Variants in SCML4 observed in about 807,000 individuals in gnomAD.
SCML4 encodes the protein sex comb on midleg-like protein 4.
A neutral mutation model predicts 41.1 loss-of-function variants in SCML4; 34 were observed. The ratio of observed to expected loss-of-function variants is 0.83; its 90% CI spans 0.63 to 1.10. The LOEUF is 1.10. Ranked by LOEUF, SCML4 falls within the 50% of genes least tolerant of loss-of-function variation. SCML4 has a pLI of 0.00. For synonymous variants in SCML4, 214 were observed against 220.9 expected (o/e 0.97, Z 0.28); for missense variants, 522 against 534.1 (o/e 0.98, Z 0.22).
At chr6:107,830,306 C>A in the SCML4 span, among the ~76,000 whole-genome samples, 1 of 152,236 alleles carries the variant, frequency 6.6e-6, no homozygotes, top group Admixed American at 6.5e-5. Flanking sequence ...CTCTTTGTGG[C>A]TCTGGGCCTG....
intron 2 of SCML4, among the ~76,000 whole-genome samples, chr6:107,763,276 G>A (rs541167796): frequency 5.7e-4 from 87 of 152,062 alleles, no homozygotes; most frequent in Non-Finnish European, 1.1e-3. Flanking sequence ...ATACACTGAA[G>A]TACTAACACC....
At chr6:107,779,906 C>G (rs1027987155) in intron 1 of SCML4, among the ~76,000 whole-genome samples, 1 of 152,208 alleles carries the variant, frequency 6.6e-6, no homozygotes, top group East Asian at 1.9e-4. Context: ...CCTTTACCAC[C>G]CATTGTGTGC....
At chr6:107,781,320 A>G (rs886377749) in intron 1 of SCML4, among the ~76,000 whole-genome samples, 1 of 152,210 alleles carries the variant, frequency 6.6e-6, no homozygotes, top group African/African-American at 2.4e-5. Context: ...TGGCTAGTCA[A>G]TCTCAGTCGT....
At position 107,712,136 on chromosome 6, in the gene SCML4, C is replaced by A. The variant is rs753890523; in HGVS notation, c.974-4125G>T. The stretch of plus-strand genomic sequence containing the variant: ...TCCATTTAAAGACATCTGCACTCAA[C>A]ATGGGGACGAGGAATCACGGAAATC... On this transcript the variant is annotated intron_variant, in intron 6 of 7. Coordinates refer to ENST00000369020, the MANE Select transcript of SCML4 (RefSeq NM_198081.5). 5.3e-5 allele frequency among the ~76,000 whole-genome samples: 8 copies of A among 152,200 alleles called. No homozygotes were observed. The South Asian group carries it at 1.4e-3, about 28-fold the overall frequency.
intron 1 of SCML4, among the ~76,000 whole-genome samples, chr6:107,800,157 G>T (rs1583617767): frequency 6.6e-6 from 1 of 151,946 alleles, no homozygotes; most frequent in East Asian, 1.9e-4. Context: ...CCTCAGCATG[G>T]ATATGCTCCT....
intron 2 of SCML4, chr6:107,755,489 A>G (rs545609602): frequency 1.9e-6 from 1 of 520,850 alleles, no homozygotes; most frequent in South Asian, 4.1e-5. Context: ...GAAAAGTCCT[A>G]AAAAAGAAGA....
chr6:107,841,383 T>A, the SCML4 span, among the ~76,000 whole-genome samples: 1 of 152,232 alleles, frequency 6.6e-6, no homozygotes, highest in African/African-American at 2.4e-5. Flanking sequence ...TTTCAAGTTG[T>A]AAATCGGCCA....
rs75990338 is a variant in SCML4 at position 107,747,491 on chromosome 6, C to A, written c.287-602G>T. Among the ~76,000 whole-genome samples the A allele has an allele frequency of 4.3e-3, 661 of 152,080 alleles. 11 individuals are homozygous for A. In the East Asian group the frequency reaches 0.064, roughly 15 times the overall value. ...CATTGATAAAAAATTGGGGGGGCACCTGTCCCAAACCATGTTTATTTATTT... is the reference window on the plus strand; with the variant it reads ...CATTGATAAAAAATTGGGGGGGCACATGTCCCAAACCATGTTTATTTATTT... On this transcript the variant is annotated intron_variant, in intron 3 of 7. Transcript: ENST00000369020.
At chr6:107,811,601 G>A (rs1784163750) in intron 1 of SCML4, among the ~76,000 whole-genome samples, 1 of 152,058 alleles carries the variant, frequency 6.6e-6, no homozygotes, top group African/African-American at 2.4e-5. Flanking sequence ...GCCTAAATGG[G>A]AAAAAATGTG....
intron 6 of SCML4, 46 bp from the exon 7 acceptor site, chr6:107,708,057 C>T (rs779511922): frequency 1.1e-4 from 167 of 1,538,974 alleles, no homozygotes; most frequent in Non-Finnish European, 1.4e-4. Context: ...TGGGACAGGG[C>T]CTTGCACCTA....
chr6:107,720,101 C>T (rs908951856), intron 6 of SCML4: 2 of 985,292 alleles, frequency 2.0e-6, no homozygotes, highest in Admixed American at 6.1e-5. Context: ...CTGAAGGTGA[C>T]ACTTCCTATG....
the SCML4 span, among the ~76,000 whole-genome samples, chr6:107,829,646 A>G: frequency 1.3e-5 from 2 of 152,186 alleles, no homozygotes; most frequent in African/African-American, 4.8e-5. Flanking sequence ...TGCGGGGCTT[A>G]AAACCTAGAT....
chr6:107,720,161 G>T, intron 6 of SCML4: 1 of 948,828 alleles, frequency 1.1e-6, no homozygotes, highest in Non-Finnish European at 1.3e-6. Flanking sequence ...CCTGGGCAGA[G>T]CTAACCTACA....
intron 6 of SCML4, among the ~76,000 whole-genome samples, chr6:107,718,119 GA>G (rs1375488638): frequency 6.6e-6 from 1 of 152,224 alleles, no homozygotes; most frequent in Non-Finnish European, 1.5e-5. Flanking sequence ...GTCAGGGCCT[GA>G]TTCCAGGATG....
At chr6:107,845,933 A>G in the SCML4 span, among the ~76,000 whole-genome samples, 1 of 152,308 alleles carries the variant, frequency 6.6e-6, no homozygotes, top group East Asian at 1.9e-4. Flanking sequence ...TGTTCCAGTG[A>G]AGGTCCTGTC....
In SCML4 at chr6:107,814,888, T is replaced by TA. The variant is rs556561857; in HGVS notation, c.-60+9237dup. On this transcript the variant is annotated intron_variant, in intron 1 of 7. Coordinates refer to ENST00000369020, the MANE Select transcript of SCML4 (RefSeq NM_198081.5). Reference sequence around the variant, plus strand: ...GCTTTCTAAAATACCATATATGTGATAAAAACCTATGCATAATCTGAAGGA... The same window carrying TA: ...GCTTTCTAAAATACCATATATGTGATAAAAAACCTATGCATAATCTGAAGGA... Among the ~76,000 whole-genome samples, 489 of 152,310 alleles carry TA rather than the reference T, an allele frequency of 3.2e-3. 2 individuals are homozygous for TA. The highest frequency in any genetic ancestry group is 0.011 in the African/African-American group (469 of 41,558).
chr6:107,752,393 A>G (rs1224500200), intron 2 of SCML4, among the ~76,000 whole-genome samples: 1 of 152,106 alleles, frequency 6.6e-6, no homozygotes, highest in Non-Finnish European at 1.5e-5. Flanking sequence ...ACATTTGGGA[A>G]TCATGAATAT....
the SCML4 span, among the ~76,000 whole-genome samples, chr6:107,832,588 T>C: frequency 6.6e-6 from 1 of 152,246 alleles, no homozygotes; most frequent in Non-Finnish European, 1.5e-5. Flanking sequence ...TGGCTTAATT[T>C]CACCTTTGAA....
At chr6:107,763,489 C>T (rs772847932) in intron 2 of SCML4, among the ~76,000 whole-genome samples, 22 of 151,650 alleles carry the variant, frequency 1.5e-4, no homozygotes, top group Non-Finnish European at 2.1e-4. Flanking sequence ...CAGGTTCAAG[C>T]GATTCTCCTG....
Sources: allele counts gnomAD v4.1 joint callset (sites outside exome capture counted in the v4.1 genomes callset), GRCh38; gene constraint gnomAD v4.1.1; transcripts MANE v1.5; gene names NCBI Gene and HGNC (gene_info 2026-07-23, HGNC 2026-07-21).